The following ABCA3 variants were observed in gnomAD, a reference collection of about 807,000 sequenced individuals.
The protein encoded by ABCA3 is phospholipid-transporting ATPase ABCA3.
A neutral mutation model predicts 172.8 loss-of-function variants in ABCA3; 88 were observed. The ratio of observed to expected loss-of-function variants is 0.51; its 90% CI spans 0.43 to 0.61. ABCA3 has a LOEUF of 0.61. ABCA3 is among the 20% of genes least tolerant of loss of function. The probability of loss-of-function intolerance (pLI) is 0.00; values close to 1 mark genes in which losing one functional copy is unlikely to be tolerated. For synonymous variants in ABCA3, 1,066 were observed against 983.8 expected (o/e 1.08, Z -1.56); for missense variants, 2,164 against 2,301.0 (o/e 0.94, Z 1.22).
chr16:2,310,365 G>T (rs1250622286), intron 10 of ABCA3, among the ~76,000 whole-genome samples: 3 of 151,840 alleles, frequency 2.0e-5, no homozygotes, highest in Admixed American at 1.3e-4. Flanking sequence ...CCGAGATCGG[G>T]TCACTGCACT....
chr16:2,305,979 G>A (rs761998727), intron 11 of ABCA3, among the ~76,000 whole-genome samples: 3 of 152,162 alleles, frequency 2.0e-5, no homozygotes, highest in Non-Finnish European at 2.9e-5. Flanking sequence ...CTGTTTGGCC[G>A]AGGACCCTGA....
At chr16:2,293,171 C>T (rs1005146785) in intron 18 of ABCA3, among the ~76,000 whole-genome samples, 11 of 151,662 alleles carry the variant, frequency 7.3e-5, no homozygotes, top group Non-Finnish European at 1.3e-4. Flanking sequence ...CCTGCCTCAA[C>T]CTCCAGAGTA....
chr16:2,320,722 A>G (rs1460432397), intron 7 of ABCA3, among the ~76,000 whole-genome samples: 1 of 152,028 alleles, frequency 6.6e-6, no homozygotes, highest in African/African-American at 2.4e-5. Flanking sequence ...CATCAGGCAT[A>G]TTAGTGGGTC....
chr16:2,301,844 C>A (rs554586501), intron 12 of ABCA3, among the ~76,000 whole-genome samples: 2 of 152,348 alleles, frequency 1.3e-5, no homozygotes, highest in South Asian at 2.1e-4. Flanking sequence ...AGCAAGCCCC[C>A]CAAAGTCTGG....
chr16:2,296,500 G>A (rs1020709548), intron 17 of ABCA3, among the ~76,000 whole-genome samples: 1 of 152,180 alleles, frequency 6.6e-6, no homozygotes, highest in Non-Finnish European at 1.5e-5. Context: ...CTCCCAAAGT[G>A]CTGGGATTAT....
In ABCA3 at chr16:2,276,626, C is replaced by G. The variant is rs1016356132; in HGVS notation, c.*48G>C. The G allele has an allele frequency of 1.9e-6, 3 of 1,604,776 alleles. No homozygotes were observed. In the African/African-American group the frequency reaches 4.0e-5, roughly 21 times the overall value. ...GGAGAGAGAGGATGTAAGATGGGCC[C>G]TGCTTGCCCGTCCTGTCCCTGCCTG... On this transcript the variant is annotated 3_prime_UTR_variant, in exon 33 of 33. Transcript: ENST00000301732.
At chr16:2,292,926 G>A (rs1253190722) in intron 18 of ABCA3, among the ~76,000 whole-genome samples, 1 of 152,162 alleles carries the variant, frequency 6.6e-6, no homozygotes, top group East Asian at 1.9e-4. Flanking sequence ...CTGGACTCCA[G>A]CCCGGGCAAC....
In ABCA3 at chr16:2,328,567, C is replaced by T. The variant is rs754501457; in HGVS notation, c.-141G>A. The stretch of plus-strand genomic sequence containing the variant: ...AAGAGGGCGAGGTGTGCAGACGTGG[C>T]TGCTCTGTCCTGGAGAGGCAGGGAA... On this transcript the variant is annotated 5_prime_UTR_variant, in exon 3 of 33. Transcript: ENST00000301732. 1.9e-6 allele frequency: 1 copy of T among 515,600 alleles called. No individual in the cohort carries two copies. Among genetic ancestry groups the T allele is most frequent in the Admixed American group, 2.0e-5 (1 of 51,162 alleles). 31.9% of individuals were successfully genotyped at this position (515,600 alleles called of 1,614,324 possible).
At position 2,295,693 on chromosome 16, in the gene ABCA3, C is replaced by G; in HGVS notation, c.2311G>C (p.Glu771Gln). 1 of 1,614,068 alleles carries G rather than the reference C, an allele frequency of 6.2e-7. No homozygotes were observed. The highest frequency in any genetic ancestry group is 1.1e-5 in the South Asian group (1 of 91,088). ...TGGTGGACCAGCTGGGAGATGTCTT[C>G]CGGGTTGCAGTGCGGCTCCTTCACC... ...TLVKEPHCNP[E>Q]DISQLVHHHV... The change falls in exon 18 of 33, where the codon GAA becomes CAA. Residue 771 changes from glutamate (E) to glutamine (Q), a missense_variant. Coordinates refer to ENST00000301732, the MANE Select transcript of ABCA3 (RefSeq NM_001089.3).
chr16:2,322,032 T>C (rs545108987), intron 7 of ABCA3, among the ~76,000 whole-genome samples: 1 of 152,082 alleles, frequency 6.6e-6, no homozygotes, highest in Admixed American at 6.5e-5. Flanking sequence ...ACCCCGTCTC[T>C]ACTAAAAATA....
Position 2,283,099 on chromosome 16 carries a change from G to T in ABCA3, c.4035+87C>A. On this transcript the variant is annotated intron_variant, in intron 26 of 32. Coordinates refer to ENST00000301732, the MANE Select transcript of ABCA3 (RefSeq NM_001089.3). This position sits in a 1 kb window ranked among gnomAD's most constrained non-coding sequence, Gnocchi z 5.4. ...GTGCAGGAGCTGCCTGGTGGAGAAGGAGGTGGAGCTGCCCCAGGTTGTGCT... is the reference window on the plus strand; with the variant it reads ...GTGCAGGAGCTGCCTGGTGGAGAAGTAGGTGGAGCTGCCCCAGGTTGTGCT... The T allele has an allele frequency of 7.1e-7, 1 of 1,404,088 alleles. No individual in the cohort carries two copies. The highest frequency in any genetic ancestry group is 2.4e-5 in the East Asian group (1 of 40,930). 87.0% of individuals were successfully genotyped at this position (1,404,088 alleles called of 1,614,324 possible).
intron 18 of ABCA3, among the ~76,000 whole-genome samples, chr16:2,295,356 C>T (rs1010099811): frequency 2.0e-5 from 3 of 152,216 alleles, no homozygotes; most frequent in Non-Finnish European, 2.9e-5. Flanking sequence ...GAGTCAGATA[C>T]GTGCTTCTCC....
chr16:2,297,582 C>G lies in ABCA3; in HGVS notation c.2053-43G>C. On this transcript the variant is annotated intron_variant, in intron 16 of 32. Coordinates refer to ENST00000301732, the MANE Select transcript of ABCA3 (RefSeq NM_001089.3). This position sits in a 1 kb window ranked among gnomAD's most constrained non-coding sequence, Gnocchi z 5.6. ...GTCTCGCGACGCTGGTAGAGCCACA[C>G]CCCGGGCCCAGGCTGGCCTTGCGGT... 2.5e-6 allele frequency: 4 copies of G among 1,607,636 alleles called. No homozygotes were observed. Among genetic ancestry groups the G allele is most frequent in the Non-Finnish European group, 1.7e-6 (2 of 1,178,436 alleles).
chr16:2,315,545 C>G (rs563895369), intron 10 of ABCA3, among the ~76,000 whole-genome samples: 12 of 148,356 alleles, frequency 8.1e-5, no homozygotes, highest in African/African-American at 3.0e-4. Flanking sequence ...AGAAGAACTA[C>G]TCAAAGATGT....
chr16:2,334,983 C>T (rs929209777), intron 1 of ABCA3, among the ~76,000 whole-genome samples: 1 of 151,638 alleles, frequency 6.6e-6, no homozygotes, highest in Non-Finnish European at 1.5e-5. Flanking sequence ...CACTCGCCAC[C>T]ACGCCCAGCT....
intron 19 of ABCA3, among the ~76,000 whole-genome samples, chr16:2,291,686 C>T (rs1242287006): frequency 2.0e-5 from 3 of 152,214 alleles, no homozygotes; most frequent in Non-Finnish European, 4.4e-5. Context: ...GGGGCTCTGA[C>T]GGCGGCCACT....
chr16:2,340,250 G>A (rs904704795), intron 1 of ABCA3, among the ~76,000 whole-genome samples: 2 of 152,120 alleles, frequency 1.3e-5, no homozygotes, highest in Non-Finnish European at 2.9e-5. Context: ...GGGCCGTGCC[G>A]AGTCTCCGCA....
rs1312384994 is a variant in ABCA3, at chr16:2,321,502, T to C, written c.614-1662A>G. Among the ~76,000 whole-genome samples the C allele has an allele frequency of 3.9e-5, 6 of 152,188 alleles. 1 individual carries two copies. The South Asian group carries it at 1.0e-3, about 26-fold the overall frequency. ...CTGTGACTTCCATGGCAAACTTCCA[T>C]GAGTTCTGTCTCCTGCCAGACCCGT... On this transcript the variant is annotated intron_variant, in intron 7 of 32. Coordinates refer to ENST00000301732, the MANE Select transcript of ABCA3 (RefSeq NM_001089.3).
At chr16:2,289,404 C>CCCCCCCCCCCCCCCCACCA in intron 20 of ABCA3, 30 bp downstream of exon 20, 1 of 1,555,388 alleles carries the variant, frequency 6.4e-7, no homozygotes, top group Non-Finnish European at 8.7e-7. Flanking sequence ...GCCCTTCCCC[C>CCCCCCCCCCCCCCCCACCA]GCCACCCGCC....
Sources: gnomAD v4.1 joint callset for allele counts (sites outside exome capture counted in the v4.1 genomes callset) on GRCh38, gnomAD v4.1.1 for gene constraint, Gnocchi (gnomAD v3.1) non-coding constraint, MANE v1.5 for transcripts, NCBI Gene and HGNC (gene_info 2026-07-23, HGNC 2026-07-21) for gene names.